Variants in TNFSF4 observed in about 807,000 individuals in gnomAD.
TNFSF4 encodes TNF superfamily member 4, also known as tumor necrosis factor ligand superfamily member 4.
TNFSF4 carries 4 observed loss-of-function variants against 7.3 expected under a neutral mutation model. That is an observed-to-expected ratio of 0.55 (90% confidence interval 0.27 to 1.25). TNFSF4 has a LOEUF of 1.25. Among genes scored for constraint, TNFSF4 ranks in the 50% most tolerant of loss-of-function variants. The pLI is 0.12. For missense variants in TNFSF4, 181 were observed against 208.8 expected (o/e 0.87, Z 0.82); for synonymous variants, 76 against 83.7 (o/e 0.91, Z 0.50).
the TNFSF4 span, among the ~76,000 whole-genome samples, chr1:173,407,144 G>T: frequency 1.1e-4 from 17 of 150,594 alleles, no homozygotes; most frequent in Non-Finnish European, 1.8e-4. Context: ...GTGCGGGAGG[G>T]GAGAAAAGCA....
At chr1:173,206,409 A>G (rs1209725679) in intron 1 of TNFSF4, among the ~76,000 whole-genome samples, 1 of 152,224 alleles carries the variant, frequency 6.6e-6, no homozygotes, top group African/African-American at 2.4e-5. Context: ...TGTATTTAAT[A>G]AGGTAGGGAA....
chr1:173,390,269 G>C, the TNFSF4 span, among the ~76,000 whole-genome samples: 6 of 152,076 alleles, frequency 3.9e-5, no homozygotes, highest in Admixed American at 2.0e-4. Flanking sequence ...AGTTCTCCCT[G>C]TTCACTACTG....
upstream of TNFSF4, among the ~76,000 whole-genome samples, chr1:173,209,535 C>T (rs1650305927): frequency 6.6e-6 from 1 of 152,118 alleles, no homozygotes; most frequent in Non-Finnish European, 1.5e-5. Flanking sequence ...GACAGGGTCT[C>T]ACTCTGTTGC....
the TNFSF4 span, among the ~76,000 whole-genome samples, chr1:173,360,627 A>T: frequency 2.6e-5 from 4 of 152,168 alleles, no homozygotes; most frequent in African/African-American, 9.7e-5. Flanking sequence ...TAGCAGACTT[A>T]GCTATGGTAC....
the TNFSF4 span, among the ~76,000 whole-genome samples, chr1:173,244,736 A>T: frequency 1.3e-5 from 2 of 152,072 alleles, no homozygotes; most frequent in Non-Finnish European, 2.9e-5. Flanking sequence ...CATTATGTTC[A>T]CAGCCGCGCA....
chr1:173,372,517 T>A, the TNFSF4 span, among the ~76,000 whole-genome samples: 1 of 152,200 alleles, frequency 6.6e-6, no homozygotes, highest in African/African-American at 2.4e-5. Context: ...CCACAACCAG[T>A]GGCATACCTA....
the TNFSF4 span, among the ~76,000 whole-genome samples, chr1:173,379,368 T>G: frequency 6.6e-6 from 1 of 152,074 alleles, no homozygotes; most frequent in Non-Finnish European, 1.5e-5. Flanking sequence ...CTTCTCCCTC[T>G]CTGATTTAAA....
At chr1:173,346,393 T>C in the TNFSF4 span, among the ~76,000 whole-genome samples, 1 of 152,088 alleles carries the variant, frequency 6.6e-6, no homozygotes, top group African/African-American at 2.4e-5. Flanking sequence ...CTGAATTCTG[T>C]ACCCACTCCC....
chr1:173,188,423 T>G, intron 2 of TNFSF4, 98 bp downstream of exon 2: 1 of 971,296 alleles, frequency 1.0e-6, no homozygotes, highest in Non-Finnish European at 1.6e-6. Context: ...TTCCTTCCCT[T>G]AGGAAAAGAA....
At chr1:173,384,269 G>C in the TNFSF4 span, among the ~76,000 whole-genome samples, 4 of 152,290 alleles carry the variant, frequency 2.6e-5, no homozygotes, top group Admixed American at 2.6e-4. Context: ...AAATAAAGTA[G>C]CATATTAGTG....
the TNFSF4 span, among the ~76,000 whole-genome samples, chr1:173,253,046 T>C: frequency 6.6e-6 from 1 of 152,188 alleles, no homozygotes; most frequent in Middle Eastern, 3.2e-3. Context: ...TTCTCTTAAA[T>C]CCATTCACTC....
At chr1:173,384,382 T>C in the TNFSF4 span, among the ~76,000 whole-genome samples, 1 of 152,206 alleles carries the variant, frequency 6.6e-6, no homozygotes, top group Non-Finnish European at 1.5e-5. Flanking sequence ...TTTGTGTGTG[T>C]TGGGGGAGAA....
the TNFSF4 span, among the ~76,000 whole-genome samples, chr1:173,429,289 CCT>C: frequency 9.2e-5 from 14 of 152,140 alleles, no homozygotes; most frequent in African/African-American, 3.1e-4. Context: ...GACTGGCCCC[CCT>C]CTTTCTTGTA....
chr1:173,183,425 C>T (rs1410812739), downstream of TNFSF4, among the ~76,000 whole-genome samples: 1 of 152,088 alleles, frequency 6.6e-6, no homozygotes, highest in Admixed American at 6.6e-5. Flanking sequence ...GGAGAGGGGA[C>T]ATAAGAAATC....
the TNFSF4 span, among the ~76,000 whole-genome samples, chr1:173,275,944 A>T: frequency 1.3e-5 from 2 of 152,292 alleles, no homozygotes; most frequent in Non-Finnish European, 2.9e-5. Context: ...TGTGGTTGGT[A>T]TGAGTGCCAT....
chr1:173,370,043 T>C, the TNFSF4 span, among the ~76,000 whole-genome samples: 11 of 152,074 alleles, frequency 7.2e-5, no homozygotes, highest in African/African-American at 2.4e-4. Context: ...CTATCAGTTA[T>C]GTCCCCTTCA....
the TNFSF4 span, among the ~76,000 whole-genome samples, chr1:173,234,893 T>C: frequency 1.3e-5 from 2 of 152,108 alleles, no homozygotes; most frequent in South Asian, 2.1e-4. Flanking sequence ...TGTGTACATA[T>C]GTAACAAACC....
chr1:173,379,170 T>C, the TNFSF4 span, among the ~76,000 whole-genome samples: 4 of 152,116 alleles, frequency 2.6e-5, no homozygotes, highest in Admixed American at 6.5e-5. Context: ...TCTGGTATCT[T>C]AGTCAAGTAA....
chr1:173,279,096 C>T, the TNFSF4 span, among the ~76,000 whole-genome samples: 1 of 152,104 alleles, frequency 6.6e-6, no homozygotes, highest in Non-Finnish European at 1.5e-5. Context: ...TCTTTAAAAG[C>T]TGGCAAGCTA....
Sources: gnomAD v4.1 joint callset for allele counts (sites outside exome capture counted in the v4.1 genomes callset) on GRCh38, gnomAD v4.1.1 for gene constraint, MANE v1.5 for transcripts, NCBI Gene and HGNC (gene_info 2026-07-23, HGNC 2026-07-21) for gene names.